Variants in CRACD observed in about 807,000 individuals in gnomAD.
CRACD encodes capping protein inhibiting regulator of actin dynamics, also known as capping protein-inhibiting regulator of actin dynamics.
In CRACD, 56 loss-of-function variants were observed where a neutral mutation model predicts 106.8. The observed-to-expected ratio is 0.52, with a 90% CI of 0.42 to 0.66. The LOEUF (loss-of-function observed/expected upper bound fraction) is 0.66. CRACD is among the 30% of genes least tolerant of loss of function. CRACD has a pLI of 0.00. For missense variants in CRACD, 1,730 were observed against 1,623.2 expected, an observed-to-expected ratio of 1.07 and a Z score of -1.13; for synonymous variants, 754 against 670.8, an observed-to-expected ratio of 1.12 and a Z score of -1.92.
chr4:56,110,905 T>C (rs1288353884), intron 1 of CRACD, among the ~76,000 whole-genome samples: 2 of 152,084 alleles, frequency 1.3e-5, no homozygotes, highest in Non-Finnish European at 2.9e-5. Context: ...CCTAATTCAG[T>C]AGAAGATTTA....
intron 3 of CRACD, among the ~76,000 whole-genome samples, chr4:56,294,913 C>CAAAAAAAAAAAAAAAAAAAAATAAA (rs56200534): frequency 1.4e-5 from 1 of 72,166 alleles, no homozygotes; most frequent in African/African-American, 6.0e-5. Flanking sequence ...GACCTTGTCT[C>CAAAAAAAAAAAAAAAAAAAAATAAA]AAAAAAAAAA....
At chr4:56,247,371 A>G (rs1294625293) in intron 2 of CRACD, among the ~76,000 whole-genome samples, 2 of 152,174 alleles carry the variant, frequency 1.3e-5, no homozygotes, top group African/African-American at 4.8e-5. Context: ...AATTGATGAT[A>G]TATTAGCTAC....
intron 1 of CRACD, among the ~76,000 whole-genome samples, chr4:56,173,406 T>C (rs991968401): frequency 3.9e-5 from 6 of 152,212 alleles, no homozygotes; most frequent in African/African-American, 1.4e-4. Flanking sequence ...AGGAAATTAA[T>C]AGAGATGGGT....
chr4:56,156,739 C>T (rs1735774845), intron 1 of CRACD, among the ~76,000 whole-genome samples: 1 of 152,188 alleles, frequency 6.6e-6, no homozygotes, highest in Non-Finnish European at 1.5e-5. Flanking sequence ...CTGTTCTACA[C>T]TTAATAGTCG....
At chr4:56,200,739 TA>T (rs1737843418) in intron 2 of CRACD, among the ~76,000 whole-genome samples, 1 of 152,186 alleles carries the variant, frequency 6.6e-6, no homozygotes, top group African/African-American at 2.4e-5. Context: ...CAAAATTAAG[TA>T]GAAAGTGTAG....
chr4:56,261,278 T>G (rs1037263514), intron 2 of CRACD, among the ~76,000 whole-genome samples: 2 of 152,052 alleles, frequency 1.3e-5, no homozygotes, highest in Admixed American at 1.3e-4. Context: ...CCCACACATC[T>G]TCTAGCATGT....
intron 1 of CRACD, among the ~76,000 whole-genome samples, chr4:56,167,838 C>T (rs549546244): frequency 1.3e-3 from 191 of 152,188 alleles, no homozygotes; most frequent in African/African-American, 4.5e-3. Context: ...AGAAGGAAAT[C>T]CTGCAATATG....
intron 2 of CRACD, among the ~76,000 whole-genome samples, chr4:56,241,559 T>C (rs1380796508): frequency 6.6e-6 from 1 of 152,212 alleles, no homozygotes; most frequent in Non-Finnish European, 1.5e-5. Context: ...GAGACTGCTA[T>C]GTTCCAGGCA....
intron 1 of CRACD, among the ~76,000 whole-genome samples, chr4:56,106,482 A>G (rs1733952992): frequency 1.3e-5 from 2 of 152,228 alleles, no homozygotes; most frequent in South Asian, 4.1e-4. Flanking sequence ...GTCACTGTCA[A>G]TCTAAATAGT....
intron 2 of CRACD, among the ~76,000 whole-genome samples, chr4:56,254,529 T>C (rs1741236060): frequency 6.6e-6 from 1 of 152,070 alleles, no homozygotes; most frequent in Non-Finnish European, 1.5e-5. Context: ...TGCTACCTCT[T>C]GGGTTTGTAC....
At chr4:56,248,371 G>T (rs1369238309) in intron 2 of CRACD, among the ~76,000 whole-genome samples, 1 of 152,102 alleles carries the variant, frequency 6.6e-6, no homozygotes, top group Non-Finnish European at 1.5e-5. Context: ...GCTCACTTTT[G>T]GTGAGCTAGA....
At position 56,327,781 on chromosome 4, in the gene CRACD, G is replaced by T; in HGVS notation, c.3679G>T (p.Asp1227Tyr). ...LAKRKAKAWSDCPQIIK is the reference protein window; with the variant it reads ...LAKRKAKAWSYCPQIIK ...CAAAAGGAAAGCAAAGGCTTGGAGC[G>T]ACTGTCCACAGATTATTAAGTAAAG... Residue 1227 changes from aspartate to tyrosine, a missense_variant, in exon 11 of 11, where the codon GAC becomes TAC. This residue lies in a region of CRACD where 15 missense variants were observed against 16.1 expected (regional missense o/e 0.93). Coordinates refer to ENST00000682029, the MANE Select transcript of CRACD (RefSeq NM_001393381.1). The T allele has an allele frequency of 6.2e-7, 1 of 1,614,098 alleles. No individual in the cohort carries two copies. Among genetic ancestry groups the T allele is most frequent in the Non-Finnish European group, 8.5e-7 (1 of 1,179,972 alleles).
At chr4:56,162,531 A>G (rs1735997395) in intron 1 of CRACD, among the ~76,000 whole-genome samples, 1 of 152,234 alleles carries the variant, frequency 6.6e-6, no homozygotes, top group South Asian at 2.1e-4. Flanking sequence ...AAATTGCATC[A>G]TTTGGATTTA....
At chr4:56,075,833 A>G (rs571079523) in intron 1 of CRACD, among the ~76,000 whole-genome samples, 4 of 152,344 alleles carry the variant, frequency 2.6e-5, no homozygotes, top group African/African-American at 9.6e-5. Flanking sequence ...TAATGGCTGA[A>G]TAATACTCTG....
intron 3 of CRACD, among the ~76,000 whole-genome samples, chr4:56,278,086 T>C (rs644762): frequency 0.47 from 71,873 of 151,778 alleles, 18,011 homozygotes; most frequent in African/African-American, 0.65. Flanking sequence ...ACTCCCCAGA[T>C]TGAGCTACAG....
intron 1 of CRACD, among the ~76,000 whole-genome samples, chr4:56,122,441 T>TA (rs1444925932): frequency 1.3e-5 from 2 of 152,188 alleles, no homozygotes; most frequent in Admixed American, 6.5e-5. Context: ...TATATCCCCT[T>TA]ACTGCCTGTA....
intron 2 of CRACD, among the ~76,000 whole-genome samples, chr4:56,181,779 C>A (rs1353450010): frequency 6.6e-6 from 1 of 152,174 alleles, no homozygotes; most frequent in Admixed American, 6.5e-5. Context: ...CACTGTGTGT[C>A]TGTGTCTGCA....
intron 4 of CRACD, chr4:56,301,133 G>A (rs1744343059): frequency 1.3e-6 from 1 of 754,158 alleles, no homozygotes; most frequent in African/African-American, 1.8e-5. Context: ...GGAGGGAAAT[G>A]GGGACCATTA....
chr4:56,287,496 G>A (rs551775914), intron 3 of CRACD, among the ~76,000 whole-genome samples: 10 of 152,206 alleles, frequency 6.6e-5, no homozygotes, highest in African/African-American at 2.2e-4. Context: ...GGCCAGGCTG[G>A]TGTTGAACTC....
Sources: gnomAD v4.1 joint callset for allele counts (sites outside exome capture counted in the v4.1 genomes callset) on GRCh38, gnomAD v4.1.1 for gene constraint, gnomAD v4.1.1 regional missense constraint, MANE v1.5 for transcripts, NCBI Gene and HGNC (gene_info 2026-07-23, HGNC 2026-07-21) for gene names.